Variants in ARHGAP28 observed in about 807,000 individuals in gnomAD.
The protein encoded by ARHGAP28 is Rho GTPase activating protein 28, also known as rho GTPase-activating protein 28.
A neutral mutation model predicts 90.7 loss-of-function variants in ARHGAP28; 56 were observed. The ratio of observed to expected loss-of-function variants is 0.62; its 90% confidence interval spans 0.50 to 0.77. The LOEUF is 0.77. Ranked by LOEUF, ARHGAP28 falls within the 30% of genes least tolerant of loss-of-function variation. The pLI is 0.00. For synonymous variants in ARHGAP28, 308 were observed against 323.3 expected (o/e 0.95, Z 0.51); for missense variants, 869 against 900.9 (o/e 0.96, Z 0.45).
At chr18:6,798,781 A>T (rs1272592086) in intron 1 of ARHGAP28, among the ~76,000 whole-genome samples, 1 of 152,210 alleles carries the variant, frequency 6.6e-6, no homozygotes, top group African/African-American at 2.4e-5. Flanking sequence ...CCATTATAGA[A>T]TTCAACCATG....
chr18:6,772,756 C>T (rs778486404), intron 1 of ARHGAP28, among the ~76,000 whole-genome samples: 30 of 150,430 alleles, frequency 2.0e-4, no homozygotes, highest in African/African-American at 5.9e-4. Flanking sequence ...TTTTTTGAGA[C>T]GGAGTTTCGC....
chr18:6,911,569 G>T (rs2057399669), intron 17 of ARHGAP28, among the ~76,000 whole-genome samples: 1 of 152,012 alleles, frequency 6.6e-6, no homozygotes, highest in Admixed American at 6.6e-5. Flanking sequence ...CCCAGTAGCT[G>T]GAATTACAGG....
chr18:6,889,563 T>C (rs2057247879), intron 12 of ARHGAP28, among the ~76,000 whole-genome samples: 1 of 152,242 alleles, frequency 6.6e-6, no homozygotes, highest in South Asian at 2.1e-4. Context: ...ACTGCAGCAT[T>C]TTCTCTTCCC....
intron 5 of ARHGAP28, 132 bp downstream of exon 5, chr18:6,860,029 A>G: frequency 1.3e-6 from 1 of 749,396 alleles, no homozygotes; most frequent in Non-Finnish European, 2.2e-6. Context: ...CAAGGAAACC[A>G]CAGCTGCTGG....
At chr18:6,735,897 G>T (rs1219429054) in intron 1 of ARHGAP28, among the ~76,000 whole-genome samples, 1 of 152,048 alleles carries the variant, frequency 6.6e-6, no homozygotes, top group Non-Finnish European at 1.5e-5. Flanking sequence ...AGTAATATTG[G>T]GTCCCTCTGA....
At chr18:6,772,775 C>A (rs1482401951) in intron 1 of ARHGAP28, among the ~76,000 whole-genome samples, 1 of 151,516 alleles carries the variant, frequency 6.6e-6, no homozygotes, top group East Asian at 1.9e-4. Flanking sequence ...GCTCTTGTTG[C>A]CCAGGCTGGA....
At chr18:6,838,376 C>G (rs2056770248) in intron 3 of ARHGAP28, among the ~76,000 whole-genome samples, 1 of 152,182 alleles carries the variant, frequency 6.6e-6, no homozygotes, top group African/African-American at 2.4e-5. Context: ...TGAAGACAGT[C>G]TCCAATTTGA....
intron 1 of ARHGAP28, among the ~76,000 whole-genome samples, chr18:6,781,820 G>T (rs565826415): frequency 2.6e-5 from 4 of 152,130 alleles, no homozygotes; most frequent in Non-Finnish European, 5.9e-5. Context: ...AACTTGTTTT[G>T]CCAGTTGATA....
At chr18:6,783,690 G>C (rs763993410) in intron 1 of ARHGAP28, among the ~76,000 whole-genome samples, 1 of 152,122 alleles carries the variant, frequency 6.6e-6, no homozygotes, top group Non-Finnish European at 1.5e-5. Context: ...GACGCTCTGC[G>C]GGGAGCTCAT....
chr18:6,908,827 G>T (rs2057378492), intron 16 of ARHGAP28, 133 bp from the exon 17 acceptor site: 1 of 645,874 alleles, frequency 1.5e-6, no homozygotes. Flanking sequence ...CATAACTTCA[G>T]TCATGATACA....
chr18:6,827,620 G>A (rs1335554778), intron 2 of ARHGAP28, among the ~76,000 whole-genome samples: 1 of 126,452 alleles, frequency 7.9e-6, no homozygotes, highest in Non-Finnish European at 1.7e-5. Flanking sequence ...GAGACGGGGC[G>A]GCTGGCCGGC....
chr18:6,774,981 G>A (rs1002589493), intron 1 of ARHGAP28, among the ~76,000 whole-genome samples: 1 of 152,032 alleles, frequency 6.6e-6, no homozygotes, highest in African/African-American at 2.4e-5. Context: ...TAGTCTCAAA[G>A]CCAAGGACCT....
intron 2 of ARHGAP28, among the ~76,000 whole-genome samples, chr18:6,835,112 A>G (rs1250369948): frequency 2.6e-5 from 4 of 152,170 alleles, no homozygotes; most frequent in Non-Finnish European, 5.9e-5. Context: ...ACCTATGGAA[A>G]ACATACATCC....
rs756212947 is a variant in ARHGAP28 at position 6,873,569 on chromosome 18, G to GACGAGGT, written c.1117_1120+3dup. On this transcript the variant is annotated frameshift_variant, in exon 8 of 18. Transcript: ENST00000383472. LOFTEE classifies it high-confidence loss of function. ...AGGAACAAAACAGAGAAAGTAAAAGGACGAGGTAACTAAGAAGACTGATTG... is the reference window on the plus strand; with the variant it reads ...AGGAACAAAACAGAGAAAGTAAAAGGACGAGGTACGAGGTAACTAAGAAGACTGATTG... 47 of 1,613,202 alleles carry GACGAGGT rather than the reference G, an allele frequency of 2.9e-5. No homozygotes were observed. Among genetic ancestry groups the GACGAGGT allele is most frequent in the Non-Finnish European group, 3.9e-5 (46 of 1,179,846 alleles).
intron 14 of ARHGAP28, among the ~76,000 whole-genome samples, chr18:6,891,780 T>TG (rs1396888074): frequency 6.6e-6 from 1 of 152,094 alleles, no homozygotes; most frequent in South Asian, 2.1e-4. Flanking sequence ...TTTGTAGAGA[T>TG]GGGGGTCTTG....
chr18:6,862,453 A>G (rs2057006058), intron 5 of ARHGAP28, among the ~76,000 whole-genome samples: 1 of 152,326 alleles, frequency 6.6e-6, no homozygotes, highest in African/African-American at 2.4e-5. Context: ...TTTCCATAAG[A>G]TAGCCATGAC....
At chr18:6,827,865 GAT>G (rs1192564359) in intron 2 of ARHGAP28, among the ~76,000 whole-genome samples, 1 of 151,460 alleles carries the variant, frequency 6.6e-6, no homozygotes, top group Non-Finnish European at 1.5e-5. Context: ...CATCTCAGAC[GAT>G]GGGCGGCCGG....
At chr18:6,816,052 T>G (rs2056588624) in intron 1 of ARHGAP28, among the ~76,000 whole-genome samples, 1 of 152,208 alleles carries the variant, frequency 6.6e-6, no homozygotes, top group African/African-American at 2.4e-5. Context: ...CAGATCTATT[T>G]ACCTGTTCAT....
chr18:6,803,753 TTTATTTTTATTTC>T (rs2056499055), intron 1 of ARHGAP28, among the ~76,000 whole-genome samples: 1 of 151,782 alleles, frequency 6.6e-6, no homozygotes, highest in South Asian at 2.1e-4. Context: ...TAGAAAAGTT[TTTATTTTTATTTC>T]TTATTTTTAT....
Sources: allele counts gnomAD v4.1 joint callset (sites outside exome capture counted in the v4.1 genomes callset), GRCh38; gene constraint gnomAD v4.1.1; transcripts MANE v1.5; gene names NCBI Gene and HGNC (gene_info 2026-07-23, HGNC 2026-07-21).